BTBD9: variants seen among roughly 807,000 people sequenced by gnomAD.
BTBD9 encodes the protein BTB domain containing 9.
BTBD9 carries 49 observed loss-of-function variants against 64.3 expected under a neutral mutation model. The ratio of observed to expected loss-of-function variants is 0.76; its 90% CI spans 0.61 to 0.97. The LOEUF is 0.97. BTBD9 is among the 50% of genes least tolerant of loss of function. BTBD9 has a pLI of 0.00. For missense variants in BTBD9, 598 were observed against 762.1 expected (o/e 0.78, Z 2.53); for synonymous variants, 260 against 274.7 (o/e 0.95, Z 0.53).
At chr6:38,364,851 G>C (rs573252427) in intron 6 of BTBD9, among the ~76,000 whole-genome samples, 8 of 152,262 alleles carry the variant, frequency 5.3e-5, no homozygotes, top group Non-Finnish European at 1.2e-4. Flanking sequence ...AGGCCCTGTA[G>C]ATCTTGAGAA....
At position 38,174,887 on chromosome 6, in the gene BTBD9, C is replaced by T. The variant is rs758771601; in HGVS notation, c.*98G>A. 5.6e-6 allele frequency: 8 copies of T among 1,419,350 alleles called. No individual in the cohort carries two copies. The highest frequency in any genetic ancestry group is 2.5e-4 in the Middle Eastern group (1 of 3,956). 87.9% of individuals were successfully genotyped at this position (1,419,350 alleles called of 1,614,324 possible). ...AGGTCGGCTCCTCCCTGGAAAGGGGCAGAGGTGGGGGCAGTCAACAGAGAC... is the reference window on the plus strand; with the variant it reads ...AGGTCGGCTCCTCCCTGGAAAGGGGTAGAGGTGGGGGCAGTCAACAGAGAC... On this transcript the variant is annotated 3_prime_UTR_variant, in exon 11 of 11. Coordinates refer to ENST00000481247, the MANE Select transcript of BTBD9 (RefSeq NM_001099272.2).
intron 6 of BTBD9, among the ~76,000 whole-genome samples, chr6:38,485,487 T>C (rs1168486893): frequency 1.3e-5 from 2 of 152,206 alleles, no homozygotes; most frequent in Non-Finnish European, 1.5e-5. Flanking sequence ...GCAGAATGGA[T>C]GTTGTGTTAA....
At chr6:38,505,964 C>CAACAAAAAAAAAAAAAAAAAAAAAAA (rs1175511241) in intron 6 of BTBD9, among the ~76,000 whole-genome samples, 2 of 82,654 alleles carry the variant, frequency 2.4e-5, no homozygotes, top group African/African-American at 8.2e-5. Flanking sequence ...TCCGTCTCAA[C>CAACAAAAAAAAAAAAAAAAAAAAAAA]AAAAAAAAAA....
chr6:38,580,002 C>A (rs1291757297), intron 5 of BTBD9, among the ~76,000 whole-genome samples: 2 of 152,090 alleles, frequency 1.3e-5, no homozygotes, highest in African/African-American at 4.8e-5. Context: ...ATGGTTTCTA[C>A]AATAAACACA....
intron 2 of BTBD9, among the ~76,000 whole-genome samples, chr6:38,596,674 G>A (rs898809085): frequency 1.3e-5 from 2 of 151,894 alleles, no homozygotes; most frequent in Admixed American, 6.6e-5. Context: ...GGTGGCAGGC[G>A]CCCGTAGTCC....
At chr6:38,593,781 C>A (rs888216602) in intron 3 of BTBD9, among the ~76,000 whole-genome samples, 183 bp downstream of exon 3, 2 of 152,202 alleles carry the variant, frequency 1.3e-5, no homozygotes, top group Non-Finnish European at 2.9e-5. Context: ...AACCAACCAG[C>A]CCCTCTCTTT....
intron 7 of BTBD9, among the ~76,000 whole-genome samples, chr6:38,334,150 T>C (rs1011359514): frequency 2.0e-5 from 3 of 152,162 alleles, no homozygotes; most frequent in Admixed American, 2.0e-4. Flanking sequence ...TTGAGAGAGA[T>C]GAGTTAGGGT....
At chr6:38,462,250 G>T (rs1770125096) in intron 6 of BTBD9, among the ~76,000 whole-genome samples, 1 of 152,000 alleles carries the variant, frequency 6.6e-6, no homozygotes, top group South Asian at 2.1e-4. Flanking sequence ...GAAAACAAAG[G>T]TTTTCTCTTA....
At chr6:38,435,486 A>G (rs1391914394) in intron 6 of BTBD9, among the ~76,000 whole-genome samples, 3 of 151,842 alleles carry the variant, frequency 2.0e-5, no homozygotes. Flanking sequence ...TTGTTCTTAA[A>G]AAAAGTCTAG....
At chr6:38,224,216 A>G (rs1763310823) in intron 9 of BTBD9, among the ~76,000 whole-genome samples, 1 of 151,952 alleles carries the variant, frequency 6.6e-6, no homozygotes, top group Admixed American at 6.6e-5. Context: ...CTGTCTCAAA[A>G]GAAAAAAAAA....
Position 38,169,665 on chromosome 6 carries a change from A to C in BTBD9, c.*5320T>G, listed in dbSNP as rs1211031400. ...GGCACTCCTCAGCTGTCACAGCCGC[A>C]GTGACAGCCTTGGGGAGGCTGAGGG... On this transcript the variant is annotated 3_prime_UTR_variant, in exon 11 of 11. Coordinates refer to ENST00000481247, the MANE Select transcript of BTBD9 (RefSeq NM_001099272.2). 1 of 152,160 alleles carries C rather than the reference A, an allele frequency of 6.6e-6. No individual in the cohort carries two copies. The highest frequency in any genetic ancestry group is 2.4e-5 in the African/African-American group (1 of 41,418). The allele number at this position is 152,160 out of a possible 1,614,324, so 9.4% of individuals were successfully genotyped here.
chr6:38,179,212 C>T (rs1761429981), intron 10 of BTBD9, among the ~76,000 whole-genome samples: 1 of 152,230 alleles, frequency 6.6e-6, no homozygotes. Flanking sequence ...AAGGAATATA[C>T]ATTTGTGGTG....
intron 1 of BTBD9, among the ~76,000 whole-genome samples, chr6:38,606,229 G>A (rs1777427626): frequency 6.6e-6 from 1 of 152,102 alleles, no homozygotes; most frequent in South Asian, 2.1e-4. Context: ...AGCTTGCAGA[G>A]GGCCTATTGT....
rs187882106 is a variant in BTBD9 at position 38,573,769 on chromosome 6, C to T, written c.1154+3831G>A. Among the ~76,000 whole-genome samples, 36 of 152,228 alleles carry T rather than the reference C, an allele frequency of 2.4e-4. No individual in the cohort carries two copies. In the East Asian group the frequency reaches 5.2e-3, roughly 22 times the overall value. On this transcript the variant is annotated intron_variant, in intron 6 of 10. Coordinates refer to ENST00000481247, the MANE Select transcript of BTBD9 (RefSeq NM_001099272.2). ...TATTATATGGCTGCCAAATTAACAG[C>T]ACCATGTTGAGGAATAGCTCAAAAT...
chr6:38,183,673 T>C (rs889797414), intron 10 of BTBD9, among the ~76,000 whole-genome samples: 2 of 152,262 alleles, frequency 1.3e-5, no homozygotes, highest in Non-Finnish European at 2.9e-5. Context: ...GGCTCAGCTT[T>C]CACTGCCTCT....
chr6:38,233,939 C>T (rs997215466), intron 9 of BTBD9, among the ~76,000 whole-genome samples: 1 of 152,198 alleles, frequency 6.6e-6, no homozygotes, highest in Non-Finnish European at 1.5e-5. Flanking sequence ...AGAGATAAGG[C>T]TTTTATATTA....
chr6:38,621,400 T>C (rs1207789692), intron 1 of BTBD9, among the ~76,000 whole-genome samples: 1 of 152,162 alleles, frequency 6.6e-6, no homozygotes, highest in Non-Finnish European at 1.5e-5. Context: ...AGAGGAACTC[T>C]TGGAAGTCCC....
intron 6 of BTBD9, among the ~76,000 whole-genome samples, chr6:38,392,412 T>C (rs771278506): frequency 5.9e-5 from 9 of 152,192 alleles, no homozygotes; most frequent in Non-Finnish European, 1.0e-4. Context: ...GAGTCCCTCA[T>C]TCCTGGGGCA....
Position 38,243,814 on chromosome 6 carries a change from G to A in BTBD9, c.1562+12595C>T, listed in dbSNP as rs138423303. 1.5e-3 allele frequency among the ~76,000 whole-genome samples: 221 copies of A among 152,302 alleles called. 5 individuals are homozygous for A. In the East Asian group the frequency reaches 0.031, roughly 21 times the overall value. ...GAATGAAAGAGACAGCTGAAGCCAAGAGAATGAGCTAAATGGTGATTCTGT... is the reference window on the plus strand; with the variant it reads ...GAATGAAAGAGACAGCTGAAGCCAAAAGAATGAGCTAAATGGTGATTCTGT... On this transcript the variant is annotated intron_variant, in intron 9 of 10. Coordinates refer to ENST00000481247, the MANE Select transcript of BTBD9 (RefSeq NM_001099272.2).
Sources: gnomAD v4.1 joint callset for allele counts (sites outside exome capture counted in the v4.1 genomes callset) on GRCh38, gnomAD v4.1.1 for gene constraint, MANE v1.5 for transcripts, NCBI Gene and HGNC (gene_info 2026-07-23, HGNC 2026-07-21) for gene names.